The following TACR3 variants were observed in gnomAD, a reference collection of about 807,000 sequenced individuals.
TACR3 encodes tachykinin receptor 3.
In TACR3, 34 loss-of-function variants were observed where a neutral mutation model predicts 35.0. The ratio of observed to expected loss-of-function variants is 0.97; its 90% CI spans 0.74 to 1.30. The LOEUF (loss-of-function observed/expected upper bound fraction) is 1.30, where lower values mean the gene tolerates loss of function less well. Among genes scored for constraint, TACR3 ranks in the 50% most tolerant of loss-of-function variants. The probability of loss-of-function intolerance (pLI) is 0.00; values close to 1 mark genes in which losing one functional copy is unlikely to be tolerated. For missense variants in TACR3, 558 were observed against 591.7 expected, an observed-to-expected ratio of 0.94 and a Z score of 0.59; for synonymous variants, 233 against 221.1, an observed-to-expected ratio of 1.05 and a Z score of -0.48.
chr4:103,652,373 C>A (rs1406878609), intron 3 of TACR3, among the ~76,000 whole-genome samples: 2 of 152,064 alleles, frequency 1.3e-5, no homozygotes, highest in East Asian at 3.9e-4. Context: ...TGTGACAGGG[C>A]AATGTCTAAC....
chr4:103,589,499 G>A lies in TACR3; in HGVS notation c.*183C>T. The A allele has an allele frequency of 1.6e-6, 1 of 618,022 alleles. No individual in the cohort carries two copies. Among genetic ancestry groups the A allele is most frequent in the Admixed American group, 3.0e-5 (1 of 33,526 alleles). The allele number at this position is 618,022 out of a possible 1,614,324, so 38.3% of individuals were successfully genotyped here. ...AAAGCCCATTTTATTTTGGGTGGAG[G>A]CTAACATGTTATTAGTGTCTTTGTC... On this transcript the variant is annotated 3_prime_UTR_variant, in exon 5 of 5. Transcript: ENST00000304883.
intron 1 of TACR3, among the ~76,000 whole-genome samples, chr4:103,676,605 C>T (rs1468889748): frequency 6.6e-6 from 1 of 152,100 alleles, no homozygotes; most frequent in African/African-American, 2.4e-5. Context: ...CTGATAAAAA[C>T]AAGCAGTGGG....
intron 1 of TACR3, among the ~76,000 whole-genome samples, chr4:103,698,359 T>C (rs528720646): frequency 1.3e-5 from 2 of 152,020 alleles, no homozygotes; most frequent in East Asian, 3.9e-4. Context: ...GTGCCTAGCA[T>C]CTTTTGTTTG....
intron 3 of TACR3, among the ~76,000 whole-genome samples, chr4:103,592,459 C>T (rs1723916608): frequency 6.6e-6 from 1 of 152,152 alleles, no homozygotes; most frequent in Non-Finnish European, 1.5e-5. Flanking sequence ...TTCTCTTCCA[C>T]TAGGCCTAAA....
At chr4:103,660,605 G>A (rs1725821284) in intron 1 of TACR3, among the ~76,000 whole-genome samples, 1 of 151,818 alleles carries the variant, frequency 6.6e-6, no homozygotes, top group Admixed American at 6.6e-5. Flanking sequence ...GATATGTTTA[G>A]TGCCTTGATT....
chr4:103,707,688 C>T (rs865870680), intron 1 of TACR3, among the ~76,000 whole-genome samples: 11 of 152,048 alleles, frequency 7.2e-5, no homozygotes, highest in South Asian at 4.2e-4. Context: ...GAGCGAGAGC[C>T]GAGGCAGGGT....
intron 3 of TACR3, among the ~76,000 whole-genome samples, chr4:103,637,607 G>A (rs1201236471): frequency 6.6e-6 from 1 of 151,990 alleles, no homozygotes; most frequent in Non-Finnish European, 1.5e-5. Flanking sequence ...GGCAGGAGAA[G>A]GAAATAAAGG....
At chr4:103,608,688 A>G (rs1724441252) in intron 3 of TACR3, among the ~76,000 whole-genome samples, 1 of 152,180 alleles carries the variant, frequency 6.6e-6, no homozygotes, top group Non-Finnish European at 1.5e-5. Context: ...ATAAGCCTAT[A>G]GGTCGCCAAG....
chr4:103,659,274 G>T lies in TACR3; in HGVS notation c.549-871C>A, dbSNP rs1034264709. On this transcript the variant is annotated intron_variant, in intron 1 of 4. Coordinates refer to ENST00000304883, the MANE Select transcript of TACR3 (RefSeq NM_001059.3). ...TGTAAGTGAAAGATATTAATGATTTGGTATTGTGCCTAACACATTAGAATT... is the reference window on the plus strand; with the variant it reads ...TGTAAGTGAAAGATATTAATGATTTTGTATTGTGCCTAACACATTAGAATT... Among the ~76,000 whole-genome samples the T allele has an allele frequency of 3.9e-5, 6 of 152,168 alleles. No individual in the cohort carries two copies. The East Asian group carries it at 1.2e-3, about 29-fold the overall frequency.
chr4:103,615,096 C>T (rs1289301314), intron 3 of TACR3, among the ~76,000 whole-genome samples: 1 of 151,804 alleles, frequency 6.6e-6, no homozygotes, highest in Non-Finnish European at 1.5e-5. Flanking sequence ...CAGGGTTTCA[C>T]TGTGTTAGCC....
chr4:103,591,491 T>A lies in TACR3; in HGVS notation c.1081A>T (p.Lys361Ter). Residue 361 changes from lysine (K) to a stop codon, truncating the protein, a stop_gained, in exon 4 of 5, where the codon AAA becomes TAA. Coordinates refer to ENST00000304883, the MANE Select transcript of TACR3 (RefSeq NM_001059.3). LOFTEE classifies it high-confidence loss of function. ...YNPIIYCCLNKRFRAGFKRAF... is the reference protein window; with the variant it reads ...YNPIIYCCLN The stretch of plus-strand genomic sequence containing the variant: ...ATTTCGTAGTTTTGTTTTTACCTTT[T>A]ATTCAGACAGCAGTAGATGATGGGA... 3 of 1,613,804 alleles carry A rather than the reference T, an allele frequency of 1.9e-6. No individual in the cohort carries two copies. The highest frequency in any genetic ancestry group is 2.5e-6 in the Non-Finnish European group (3 of 1,179,772).
chr4:103,636,653 G>C (rs1166788827), intron 3 of TACR3, among the ~76,000 whole-genome samples: 1 of 151,956 alleles, frequency 6.6e-6, no homozygotes, highest in African/African-American at 2.4e-5. Context: ...CCAGGAGCTG[G>C]TTTTTTGAAA....
chr4:103,614,963 C>T (rs1285513667), intron 3 of TACR3, among the ~76,000 whole-genome samples: 2 of 133,798 alleles, frequency 1.5e-5, no homozygotes, highest in East Asian at 2.3e-4. Context: ...GGCGCGATCT[C>T]CGCTCACTGC....
At chr4:103,601,165 G>A (rs1724190400) in intron 3 of TACR3, among the ~76,000 whole-genome samples, 2 of 152,048 alleles carry the variant, frequency 1.3e-5, no homozygotes, top group South Asian at 4.2e-4. Flanking sequence ...TATATATTTA[G>A]GATAGTTAGC....
chr4:103,696,949 TG>T (rs1722533795), intron 1 of TACR3, among the ~76,000 whole-genome samples: 1 of 152,204 alleles, frequency 6.6e-6, no homozygotes. Context: ...GTTCTTGCTC[TG>T]TCACCCAGGC....
intron 1 of TACR3, among the ~76,000 whole-genome samples, chr4:103,679,381 T>C (rs1342532543): frequency 4.6e-5 from 7 of 152,040 alleles, no homozygotes; most frequent in African/African-American, 1.7e-4. Context: ...ACCTCAGGAC[T>C]GGAATTGTTA....
At chr4:103,711,849 AACAG>A (rs1722970717) in intron 1 of TACR3, among the ~76,000 whole-genome samples, 1 of 152,270 alleles carries the variant, frequency 6.6e-6, no homozygotes, top group South Asian at 2.1e-4. Context: ...ATACACCAAT[AACAG>A]ACAAACAGAG....
intron 1 of TACR3, among the ~76,000 whole-genome samples, chr4:103,711,987 A>G (rs1380614207): frequency 2.0e-5 from 3 of 152,198 alleles, no homozygotes; most frequent in Non-Finnish European, 4.4e-5. Flanking sequence ...GCTCAATGAC[A>G]TAAAAGAGGA....
chr4:103,623,919 T>C (rs1361582349), intron 3 of TACR3, among the ~76,000 whole-genome samples: 1 of 152,194 alleles, frequency 6.6e-6, no homozygotes, highest in African/African-American at 2.4e-5. Flanking sequence ...CAGTGACTTC[T>C]AGTTCTCCAG....
Sources: allele counts gnomAD v4.1 joint callset (sites outside exome capture counted in the v4.1 genomes callset), GRCh38; gene constraint gnomAD v4.1.1; transcripts MANE v1.5; gene names NCBI Gene and HGNC (gene_info 2026-07-23, HGNC 2026-07-21).